TDP2: variants seen among roughly 807,000 people sequenced by gnomAD.
TDP2 encodes the protein tyrosyl-DNA phosphodiesterase 2, also known as 5'-Tyr-DNA phosphodiesterase.
TDP2 carries 38 observed loss-of-function variants against 42.8 expected under a neutral mutation model. That is an observed-to-expected ratio of 0.89 (90% CI 0.68 to 1.16). The LOEUF is 1.16. Among genes scored for constraint, TDP2 ranks in the 50% most tolerant of loss-of-function variants. TDP2 has a pLI of 0.00. For missense variants in TDP2, 439 were observed against 439.3 expected (o/e 1.00, Z 0.01); for synonymous variants, 173 against 150.6 (o/e 1.15, Z -1.09).
chr6:24,664,434 G>A (rs1778200878), intron 2 of TDP2, among the ~76,000 whole-genome samples: 1 of 151,048 alleles, frequency 6.6e-6, no homozygotes, highest in Admixed American at 6.6e-5. Context: ...ATTCCAATAT[G>A]CAGCTAAGAT....
intron 5 of TDP2, 95 bp from the exon 6 acceptor site, chr6:24,653,248 T>A (rs957700924): frequency 7.8e-7 from 1 of 1,282,990 alleles, no homozygotes; most frequent in East Asian, 2.3e-5. Flanking sequence ...AAATGGTATA[T>A]ATTTACTAAA....
rs377119756 is a variant in TDP2, at chr6:24,658,586, G to C, written c.400C>G (p.Arg134Gly). The change falls in exon 3 of 7, where the codon CGA (arginine) becomes GGA (glycine). Residue 134 changes from arginine (R) to glycine (G), a missense_variant. Transcript: ENST00000378198. ...LDLNNLSERA[R>G]GVCSYLALYS... Reference sequence around the variant, plus strand: ...AAAGCTAAGTAGGAACACACCCCTCGAGCCCTCTCTGACAGATTGTTTAGA... The same window carrying C: ...AAAGCTAAGTAGGAACACACCCCTCCAGCCCTCTCTGACAGATTGTTTAGA... 2.4e-5 allele frequency: 38 copies of C among 1,612,612 alleles called. No homozygotes were observed. The highest frequency in any genetic ancestry group is 3.1e-5 in the Non-Finnish European group (36 of 1,179,376).
intron 5 of TDP2, among the ~76,000 whole-genome samples, chr6:24,653,615 T>C (rs1778010454): frequency 6.6e-6 from 1 of 152,232 alleles, no homozygotes; most frequent in Non-Finnish European, 1.5e-5. Context: ...TGAATGAGAA[T>C]CATTTACCAT....
chr6:24,657,338 G>A (rs1778074810), intron 4 of TDP2, among the ~76,000 whole-genome samples: 1 of 152,120 alleles, frequency 6.6e-6, no homozygotes, highest in East Asian at 1.9e-4. Flanking sequence ...AGGAAAGACT[G>A]TATATGAAAA....
intron 4 of TDP2, among the ~76,000 whole-genome samples, chr6:24,655,539 C>G (rs901674679): frequency 1.3e-5 from 2 of 152,172 alleles, no homozygotes; most frequent in African/African-American, 4.8e-5. Context: ...CAGGTTTCCT[C>G]AACTCCTTAG....
rs1463425018 is a variant in TDP2 at position 24,650,872 on chromosome 6, G to A, written c.1005C>T (p.Asp335=). Residue 335 remains aspartate, a synonymous_variant, in exon 7 of 7, where the codon GAC becomes GAT. Transcript: ENST00000378198. ...AGTCCAGTTTTTCTAATCCAAGAAGGTCCAAACTTCGGGGAATAATGTGTC... is the reference window on the plus strand; with the variant it reads ...AGTCCAGTTTTTCTAATCCAAGAAGATCCAAACTTCGGGGAATAATGTGTC... ...EEGHIIPRSL[D]LLGLEKLDCG... The A allele has an allele frequency of 6.2e-7, 1 of 1,614,122 alleles. No homozygotes were observed. Among genetic ancestry groups the A allele is most frequent in the Non-Finnish European group, 8.5e-7 (1 of 1,180,006 alleles).
intron 3 of TDP2, 119 bp from the exon 4 acceptor site, chr6:24,658,022 T>A: frequency 1.6e-6 from 1 of 606,648 alleles, no homozygotes; most frequent in Non-Finnish European, 2.9e-6. Context: ...CACCTAATAT[T>A]GAGTGTTTAT....
intron 2 of TDP2, chr6:24,658,950 A>G (rs558749678): frequency 5.6e-6 from 3 of 532,310 alleles, no homozygotes; most frequent in African/African-American, 1.9e-5. Flanking sequence ...CTTTGTACGG[A>G]AAGTCATCCC....
chr6:24,664,006 G>A (rs1437821405), intron 2 of TDP2, among the ~76,000 whole-genome samples: 2 of 152,170 alleles, frequency 1.3e-5, no homozygotes, highest in Non-Finnish European at 2.9e-5. Flanking sequence ...AATACTAAGG[G>A]AACAGAAAGG....
chr6:24,651,123 TTA>T (rs1777968157), intron 6 of TDP2, 54 bp from the exon 7 acceptor site: 2 of 1,114,870 alleles, frequency 1.8e-6, no homozygotes, highest in Non-Finnish European at 2.3e-6. Flanking sequence ...GCCCACTAAC[TTA>T]AAAAAAAAAA....
rs1777996017 is a variant in TDP2 at position 24,652,842 on chromosome 6, AAT to A, written c.807+139_807+140del. ...CTAGGCATACAGCATAGGCTAAACA[AAT>A]ATTCGCTGAATTGCAAGGTCACTTA... On this transcript the variant is annotated intron_variant, in intron 6 of 6. Coordinates refer to ENST00000378198, the MANE Select transcript of TDP2 (RefSeq NM_016614.3). 4 of 897,258 alleles carry A rather than the reference AAT, an allele frequency of 4.5e-6. No homozygotes were observed. In the East Asian group the frequency reaches 7.5e-5, roughly 17 times the overall value. 55.6% of individuals were successfully genotyped at this position (897,258 alleles called of 1,614,324 possible).
At chr6:24,661,454 C>T (rs1180767637) in intron 2 of TDP2, among the ~76,000 whole-genome samples, 1 of 152,216 alleles carries the variant, frequency 6.6e-6, no homozygotes, top group Non-Finnish European at 1.5e-5. Context: ...TCCTTACTTT[C>T]TAACACCACA....
In TDP2 at chr6:24,650,646, C is replaced by G. The variant is rs934473189; in HGVS notation, c.*142G>C. On this transcript the variant is annotated 3_prime_UTR_variant, in exon 7 of 7. Coordinates refer to ENST00000378198, the MANE Select transcript of TDP2 (RefSeq NM_016614.3). ...AAACATTAATCTTTAATGTTGAATT[C>G]TGAAAACACAACCATAAATCATAGT... 2.5e-6 allele frequency: 2 copies of G among 797,666 alleles called. No homozygotes were observed. The highest frequency in any genetic ancestry group is 3.9e-6 in the Non-Finnish European group (2 of 513,748). 49.4% of individuals were successfully genotyped at this position (797,666 alleles called of 1,614,324 possible).
Position 24,654,594 on chromosome 6 carries a change from A to G in TDP2, c.518-64T>C, listed in dbSNP as rs183784826. 8.0e-6 allele frequency: 7 copies of G among 874,064 alleles called. No homozygotes were observed. The African/African-American group carries it at 1.2e-4, about 15-fold the overall frequency. 54.1% of individuals were successfully genotyped at this position (874,064 alleles called of 1,614,324 possible). A position where few individuals can be genotyped will look rare whatever the true frequency, so the allele number is the denominator to read the frequency against. On this transcript the variant is annotated intron_variant, in intron 4 of 6. Transcript: ENST00000378198. The stretch of plus-strand genomic sequence containing the variant: ...TGAGAGTTATTTTCAGTTTACCACA[A>G]GTTTGCCTATTGAAGAATTTTATAG...
intron 4 of TDP2, among the ~76,000 whole-genome samples, chr6:24,654,806 C>T (rs3181237): frequency 0.13 from 19,328 of 152,030 alleles, 2,248 homozygotes; most frequent in East Asian, 0.45. Flanking sequence ...TTTGGGAGGT[C>T]GAGGTGGGCG....
At chr6:24,660,972 G>C (rs184042958) in intron 2 of TDP2, among the ~76,000 whole-genome samples, 56 of 152,276 alleles carry the variant, frequency 3.7e-4, no homozygotes, top group African/African-American at 1.3e-3. Flanking sequence ...ATCTGATATG[G>C]AGCTTTCCCA....
chr6:24,653,027 C>T lies in TDP2; in HGVS notation c.763G>A (p.Ala255Thr). ...LKKMQEAPESATVIFAGDTNL... is the reference protein window; with the variant it reads ...LKKMQEAPESTTVIFAGDTNL... Reference sequence around the variant, plus strand: ...GTATCTCCTGCAAATATAACTGTAGCTGACTCTGGAGCCTCTTGCATTTTC... The same window carrying T: ...GTATCTCCTGCAAATATAACTGTAGTTGACTCTGGAGCCTCTTGCATTTTC... The change falls in exon 6 of 7, where the codon GCT becomes ACT. Residue 255 changes from alanine to threonine, a missense_variant. By Grantham distance (58) the Ala-to-Thr change is moderately conservative. Coordinates refer to ENST00000378198, the MANE Select transcript of TDP2 (RefSeq NM_016614.3). 1.9e-6 allele frequency: 3 copies of T among 1,614,052 alleles called. No individual in the cohort carries two copies. The highest frequency in any genetic ancestry group is 2.5e-6 in the Non-Finnish European group (3 of 1,180,030).
At chr6:24,665,982 G>A in intron 2 of TDP2, 2 of 1,194,644 alleles carry the variant, frequency 1.7e-6, no homozygotes, top group Non-Finnish European at 2.2e-6. Flanking sequence ...AACCTGGAAA[G>A]GCAGGTTCTA....
intron 2 of TDP2, among the ~76,000 whole-genome samples, chr6:24,663,633 A>T (rs1416200007): frequency 6.6e-6 from 1 of 152,034 alleles, no homozygotes; most frequent in Non-Finnish European, 1.5e-5. Flanking sequence ...TTCTTGCAAG[A>T]TCTGGTTGTT....
Sources: gnomAD v4.1 joint callset for allele counts (sites outside exome capture counted in the v4.1 genomes callset) on GRCh38, gnomAD v4.1.1 for gene constraint, MANE v1.5 for transcripts, NCBI Gene and HGNC (gene_info 2026-07-23, HGNC 2026-07-21) for gene names.